The following SLC22A9 variants were observed in gnomAD, a reference collection of about 807,000 sequenced individuals.
SLC22A9 encodes solute carrier family 22 member 9.
Under a neutral mutation model 50.1 loss-of-function variants are expected in SLC22A9, and 64 were observed. That is an observed-to-expected ratio of 1.28 (90% CI 1.04 to 1.57). The LOEUF is 1.57. Among genes scored for constraint, SLC22A9 ranks in the 40% most tolerant of loss-of-function variants. The probability of loss-of-function intolerance (pLI) is 0.00; values close to 1 mark genes in which losing one functional copy is unlikely to be tolerated. For synonymous variants in SLC22A9, 261 were observed against 242.5 expected (o/e 1.08, Z -0.71); for missense variants, 757 against 676.1 (o/e 1.12, Z -1.33).
At chr11:63,370,582 C>T in intron 1 of SLC22A9, 124 bp downstream of exon 1, 2 of 1,100,730 alleles carry the variant, frequency 1.8e-6, no homozygotes, top group South Asian at 4.1e-5. Flanking sequence ...TCAGCAAATA[C>T]TAATTGCTTC....
chr11:63,383,559 A>AAGAT (rs2014604586), intron 6 of SLC22A9, among the ~76,000 whole-genome samples: 1 of 152,162 alleles, frequency 6.6e-6, no homozygotes, highest in Non-Finnish European at 1.5e-5. Context: ...CTAGTCTGGG[A>AAGAT]AGATAGGAAG....
intron 5 of SLC22A9, among the ~76,000 whole-genome samples, chr11:63,378,223 C>T (rs2014497720): frequency 7.2e-6 from 1 of 138,950 alleles, no homozygotes. Flanking sequence ...ATACCAAAAC[C>T]TGGCAGAGAA....
intron 2 of SLC22A9, 84 bp downstream of exon 2, chr11:63,371,322 C>A: frequency 9.1e-7 from 1 of 1,097,338 alleles, no homozygotes; most frequent in Non-Finnish European, 1.3e-6. Context: ...TTACTTACTG[C>A]AAATTACATT....
intron 6 of SLC22A9, among the ~76,000 whole-genome samples, chr11:63,397,628 C>G (rs1332541543): frequency 6.6e-6 from 1 of 152,018 alleles, no homozygotes; most frequent in Non-Finnish European, 1.5e-5. Flanking sequence ...CACCCTTTTC[C>G]ACAAGCAGAG....
intron 6 of SLC22A9, among the ~76,000 whole-genome samples, chr11:63,393,258 A>G (rs492995): frequency 0.99 from 151,508 of 152,278 alleles, 75,378 homozygotes; most frequent in East Asian, 1. Flanking sequence ...TACGATAAAA[A>G]GGGTTGGGTT....
intron 1 of SLC22A9, among the ~76,000 whole-genome samples, chr11:63,370,806 T>C (rs2014341494): frequency 6.6e-6 from 1 of 152,136 alleles, no homozygotes; most frequent in Non-Finnish European, 1.5e-5. Flanking sequence ...ATGCCCAGAG[T>C]ATACCCTAAA....
chr11:63,402,538 C>T (rs1235941008), intron 6 of SLC22A9, among the ~76,000 whole-genome samples: 1 of 151,886 alleles, frequency 6.6e-6, no homozygotes, highest in Admixed American at 6.6e-5. Flanking sequence ...AGTTTGAAAT[C>T]AGGTAGTGTG....
chr11:63,379,711 GAACA>G (rs1258189360), intron 5 of SLC22A9, among the ~76,000 whole-genome samples: 6 of 152,094 alleles, frequency 3.9e-5, no homozygotes, highest in Non-Finnish European at 2.9e-5. Context: ...CAAAGCACAT[GAACA>G]AACAGTTGTT....
intron 1 of SLC22A9, among the ~76,000 whole-genome samples, 177 bp downstream of exon 1, chr11:63,370,635 C>T (rs912536363): frequency 1.2e-4 from 18 of 152,116 alleles, no homozygotes; most frequent in African/African-American, 4.1e-4. Context: ...GTAATGAATT[C>T]CAAAGTAGAA....
chr11:63,382,877 TAAG>T (rs1338260550), intron 6 of SLC22A9, among the ~76,000 whole-genome samples: 1 of 151,932 alleles, frequency 6.6e-6, no homozygotes. Context: ...CTGAAATGGG[TAAG>T]AAGAGTAATT....
chr11:63,397,433 A>T (rs770345628), intron 6 of SLC22A9, among the ~76,000 whole-genome samples: 2 of 152,124 alleles, frequency 1.3e-5, no homozygotes, highest in African/African-American at 4.8e-5. Context: ...AGCAGTTGTC[A>T]AAGCTGGCTA....
chr11:63,385,380 G>C (rs2014647451), intron 6 of SLC22A9, among the ~76,000 whole-genome samples: 1 of 151,852 alleles, frequency 6.6e-6, no homozygotes, highest in African/African-American at 2.4e-5. Flanking sequence ...AAATTGCTTT[G>C]GGCAGTATGG....
At chr11:63,399,685 T>C (rs948248865) in intron 6 of SLC22A9, among the ~76,000 whole-genome samples, 2 of 152,148 alleles carry the variant, frequency 1.3e-5, no homozygotes, top group South Asian at 2.1e-4. Context: ...ATTTTCATGA[T>C]AGATGAAATA....
At position 63,408,728 on chromosome 11, in the gene SLC22A9, G is replaced by GCTCC. The variant is rs757972418; in HGVS notation, c.1452_1455dup (p.Leu486SerfsTer34). On this transcript the variant is annotated frameshift_variant, in exon 9 of 10. Transcript: ENST00000279178. LOFTEE classifies it high-confidence loss of function. ...CTTTGCTAATATAGCAGGAGCCCTG[G>GCTCC]CTCCCCTCATGATGATCCTAAGTGT... 1 of 1,613,962 alleles carries GCTCC rather than the reference G, an allele frequency of 6.2e-7. No homozygotes were observed. Among genetic ancestry groups the GCTCC allele is most frequent in the South Asian group, 1.1e-5 (1 of 91,072 alleles).
At chr11:63,380,199 G>A (rs1208359320) in intron 5 of SLC22A9, among the ~76,000 whole-genome samples, 1 of 152,124 alleles carries the variant, frequency 6.6e-6, no homozygotes, top group African/African-American at 2.4e-5. Context: ...AGATGCTGGT[G>A]AGACTGCAGA....
chr11:63,389,661 T>C (rs1256082037), intron 6 of SLC22A9, among the ~76,000 whole-genome samples: 3 of 152,218 alleles, frequency 2.0e-5, no homozygotes, highest in Non-Finnish European at 4.4e-5. Context: ...TGTGTCTTTA[T>C]AGTAGAATGA....
At chr11:63,384,791 T>C (rs1327605308) in intron 6 of SLC22A9, among the ~76,000 whole-genome samples, 2 of 152,068 alleles carry the variant, frequency 1.3e-5, no homozygotes, top group African/African-American at 4.8e-5. Flanking sequence ...TCCTCAACCT[T>C]GCCAGCATGT....
At position 63,408,965 on chromosome 11, in the gene SLC22A9, G is replaced by T. The variant is rs1198682024; in HGVS notation, c.1601+86G>T. On this transcript the variant is annotated intron_variant, in intron 9 of 9. Transcript: ENST00000279178. ...AGGCAAAATACCATTTAGGGCCACTGTCCTCTCAAAAGGCTTAGACTTAGG... is the reference window on the plus strand; with the variant it reads ...AGGCAAAATACCATTTAGGGCCACTTTCCTCTCAAAAGGCTTAGACTTAGG... 3 of 1,404,870 alleles carry T rather than the reference G, an allele frequency of 2.1e-6. No individual in the cohort carries two copies. The African/African-American group carries it at 4.3e-5, about 20-fold the overall frequency. 87.0% of individuals were successfully genotyped at this position (1,404,870 alleles called of 1,614,324 possible).
At chr11:63,383,063 CT>C (rs1207940177) in intron 6 of SLC22A9, among the ~76,000 whole-genome samples, 2 of 152,108 alleles carry the variant, frequency 1.3e-5, no homozygotes, top group African/African-American at 4.8e-5. Context: ...ACTCAGAGCA[CT>C]TATGGAACTT....
Sources: allele counts gnomAD v4.1 joint callset (sites outside exome capture counted in the v4.1 genomes callset), GRCh38; gene constraint gnomAD v4.1.1; transcripts MANE v1.5; gene names NCBI Gene and HGNC (gene_info 2026-07-23, HGNC 2026-07-21).